The following ATF2 variants were observed in gnomAD, a reference collection of about 807,000 sequenced individuals.
The protein encoded by ATF2 is cyclic AMP-dependent transcription factor ATF-2.
ATF2 carries 24 observed loss-of-function variants against 60.6 expected under a neutral mutation model. The ratio of observed to expected loss-of-function variants is 0.40; its 90% CI spans 0.29 to 0.56. The LOEUF (loss-of-function observed/expected upper bound fraction) is 0.56. Among genes scored for constraint, ATF2 ranks in the 20% least tolerant of loss-of-function variants. The pLI is 0.54. For synonymous variants in ATF2, 206 were observed against 215.4 expected (o/e 0.96, Z 0.38); for missense variants, 433 against 607.7 (o/e 0.71, Z 3.02).
intron 1 of ATF2, among the ~76,000 whole-genome samples, chr2:175,164,075 C>T (rs943526134): frequency 2.1e-5 from 3 of 146,190 alleles, no homozygotes; most frequent in African/African-American, 7.5e-5. Flanking sequence ...AAAATAGGCC[C>T]GGGTGCAGTG....
chr2:175,091,380 A>T (rs547163467), intron 12 of ATF2, among the ~76,000 whole-genome samples: 2 of 152,230 alleles, frequency 1.3e-5, no homozygotes, highest in African/African-American at 4.8e-5. Context: ...ACAGAAAAAA[A>T]ATACACATAC....
At chr2:175,123,447 A>C (rs753553063) in intron 4 of ATF2, among the ~76,000 whole-genome samples, 1 of 152,056 alleles carries the variant, frequency 6.6e-6, no homozygotes, top group Non-Finnish European at 1.5e-5. Context: ...CCCAGATTTT[A>C]AAACTGCAAA....
chr2:175,122,719 T>A lies in ATF2; in HGVS notation c.103-1179A>T, dbSNP rs192497229. ...ATAGCACCTATCATATTTTCATATG[T>A]CTGTCCTTTTAAGTAGGCTGAGCTC... On this transcript the variant is annotated intron_variant, in intron 4 of 13. Coordinates refer to ENST00000264110, the MANE Select transcript of ATF2 (RefSeq NM_001880.4). Among the ~76,000 whole-genome samples the A allele has an allele frequency of 2.0e-5, 3 of 152,140 alleles. No homozygotes were observed. The East Asian group carries it at 5.8e-4, about 29-fold the overall frequency.
chr2:175,124,058 C>A (rs1187775886), intron 4 of ATF2, among the ~76,000 whole-genome samples: 1 of 135,366 alleles, frequency 7.4e-6, no homozygotes, highest in Non-Finnish European at 1.6e-5. Flanking sequence ...TTTACAGAAT[C>A]TATATGAAAT....
intron 1 of ATF2, among the ~76,000 whole-genome samples, chr2:175,163,970 A>AACAAGAAT (rs1359891769): frequency 6.8e-6 from 1 of 147,438 alleles, no homozygotes; most frequent in African/African-American, 2.5e-5. Context: ...CAAGGTTGCC[A>AACAAGAAT]ACAAGAATAA....
At chr2:175,155,395 A>T (rs906237475) in intron 1 of ATF2, among the ~76,000 whole-genome samples, 1 of 152,210 alleles carries the variant, frequency 6.6e-6, no homozygotes, top group African/African-American at 2.4e-5. Flanking sequence ...TGTCTTACAA[A>T]TATTTCTATT....
At chr2:175,162,834 G>C (rs893009365) in intron 1 of ATF2, among the ~76,000 whole-genome samples, 1 of 152,084 alleles carries the variant, frequency 6.6e-6, no homozygotes, top group Non-Finnish European at 1.5e-5. Context: ...GTTCCGACAC[G>C]TTTAATAAAT....
rs375549758 is a variant in ATF2, at chr2:175,114,779, A to T, written c.537T>A (p.Ser179=). 22 of 1,613,950 alleles carry T rather than the reference A, an allele frequency of 1.4e-5. No homozygotes were observed. Among genetic ancestry groups the T allele is most frequent in the Non-Finnish European group, 1.8e-5 (21 of 1,179,938 alleles). Residue 179 remains serine, a synonymous_variant, in exon 8 of 14, where the codon TCT becomes TCA. Transcript: ENST00000264110. ...LQVPNVLLTS[S]DSSVIIQQAV... ...CCTGCTGAATAATTACACTTGAGTC[A>T]GAACTTGTAAGCAGCACATTGGGAA... is the stretch of plus-strand genomic sequence containing the variant.
chr2:175,104,887 T>C (rs917237664), intron 10 of ATF2, among the ~76,000 whole-genome samples: 2 of 152,212 alleles, frequency 1.3e-5, no homozygotes, highest in African/African-American at 4.8e-5. Flanking sequence ...TGAAAATGTT[T>C]AATTAAGAGA....
At chr2:175,081,941 C>T (rs1028262528) in intron 12 of ATF2, among the ~76,000 whole-genome samples, 2 of 152,124 alleles carry the variant, frequency 1.3e-5, no homozygotes, top group African/African-American at 4.8e-5. Flanking sequence ...ATCCCAGCTA[C>T]TCACTACTCT....
At chr2:175,141,704 A>G (rs1039652664) in intron 2 of ATF2, among the ~76,000 whole-genome samples, 4 of 152,060 alleles carry the variant, frequency 2.6e-5, no homozygotes, top group African/African-American at 9.7e-5. Context: ...CATGTCAGCT[A>G]GGAAGGTCTC....
intron 10 of ATF2, among the ~76,000 whole-genome samples, chr2:175,109,117 C>G (rs968610050): frequency 1.4e-5 from 2 of 147,162 alleles, no homozygotes; most frequent in Non-Finnish European, 3.0e-5. Flanking sequence ...CCACTATTGT[C>G]CTATGACCCT....
intron 2 of ATF2, among the ~76,000 whole-genome samples, chr2:175,141,020 AAAAAAAAAAAATATATATAT>A (rs1698482418): frequency 8.6e-6 from 1 of 116,388 alleles, no homozygotes; most frequent in African/African-American, 3.8e-5. Flanking sequence ...AAAAAAAAAA[AAAAAAAAAAAATATATATAT>A]ATATATATAT....
chr2:175,115,453 C>G (rs1474778242), intron 7 of ATF2, among the ~76,000 whole-genome samples: 1 of 152,156 alleles, frequency 6.6e-6, no homozygotes, highest in Non-Finnish European at 1.5e-5. Context: ...GGAGTGAACT[C>G]TTTCAAGTCA....
At chr2:175,085,070 T>C (rs1694057875) in intron 12 of ATF2, among the ~76,000 whole-genome samples, 3 of 152,214 alleles carry the variant, frequency 2.0e-5, no homozygotes, top group South Asian at 4.1e-4. Context: ...GTTATGTAAA[T>C]TGGCATATTA....
intron 10 of ATF2, among the ~76,000 whole-genome samples, chr2:175,098,737 C>T (rs940965455): frequency 6.6e-6 from 1 of 152,112 alleles, no homozygotes; most frequent in Non-Finnish European, 1.5e-5. Context: ...AAAAAAGACC[C>T]CCAAATAATA....
intron 10 of ATF2, 122 bp downstream of exon 10, chr2:175,111,446 A>G (rs1213339620): frequency 5.7e-6 from 5 of 879,494 alleles, no homozygotes; most frequent in Non-Finnish European, 6.8e-6. Context: ...TATCTATAGT[A>G]TAAAACAGTC....
chr2:175,122,320 T>A (rs918943723), intron 4 of ATF2, among the ~76,000 whole-genome samples: 1 of 151,998 alleles, frequency 6.6e-6, no homozygotes, highest in Non-Finnish European at 1.5e-5. Flanking sequence ...ACATCAACAT[T>A]TTTGAAGATG....
chr2:175,096,133 T>G (rs1415735309), intron 11 of ATF2, among the ~76,000 whole-genome samples: 1 of 152,248 alleles, frequency 6.6e-6, no homozygotes, highest in Non-Finnish European at 1.5e-5. Context: ...TGAAAACTTT[T>G]GCTTTTTAAT....
Sources: allele counts gnomAD v4.1 joint callset (sites outside exome capture counted in the v4.1 genomes callset), GRCh38; gene constraint gnomAD v4.1.1; transcripts MANE v1.5; gene names NCBI Gene and HGNC (gene_info 2026-07-23, HGNC 2026-07-21).